Variants in LZTFL1 observed in about 807,000 individuals in gnomAD.
The protein encoded by LZTFL1 is leucine zipper transcription factor-like protein 1.
In LZTFL1, 25 loss-of-function variants were observed where a neutral mutation model predicts 45.9. The ratio of observed to expected loss-of-function variants is 0.54; its 90% CI spans 0.40 to 0.76. The LOEUF (loss-of-function observed/expected upper bound fraction) is 0.76, where lower values mean the gene tolerates loss of function less well. LZTFL1 is among the 30% of genes least tolerant of loss of function. LZTFL1 has a pLI of 0.00. For synonymous variants in LZTFL1, 93 were observed against 117.4 expected (o/e 0.79, Z 1.35); for missense variants, 277 against 331.1 (o/e 0.84, Z 1.27).
rs1230049716 is a variant in LZTFL1 at position 45,901,226 on chromosome 3, T to C, written c.-215+11894A>G. On this transcript the variant is annotated intron_variant, in intron 2 of 4. Transcript: ENST00000472635. The surrounding 1 kb of genome is among the most constrained non-coding windows in gnomAD (Gnocchi z 4.3). ...TGTGCATCAGCGTGGACAGGTACATTGCCATTGCCCAGGCCATGAGAGCAC... is the reference window on the plus strand; with the variant it reads ...TGTGCATCAGCGTGGACAGGTACATCGCCATTGCCCAGGCCATGAGAGCAC... 2 of 1,614,166 alleles carry C rather than the reference T, an allele frequency of 1.2e-6. No individual in the cohort carries two copies. The highest frequency in any genetic ancestry group is 1.7e-6 in the Non-Finnish European group (2 of 1,180,012).
chr3:45,845,541 G>A (rs1701205197), upstream of LZTFL1, among the ~76,000 whole-genome samples: 1 of 152,162 alleles, frequency 6.6e-6, no homozygotes, highest in African/African-American at 2.4e-5. Context: ...AGGTGCTGCA[G>A]TAGAAGTGTC....
intron 3 of LZTFL1, among the ~76,000 whole-genome samples, chr3:45,858,437 G>A (rs992061994): frequency 3.3e-5 from 5 of 152,212 alleles, no homozygotes; most frequent in Admixed American, 1.3e-4. Flanking sequence ...AACAGTCAAA[G>A]TGACAGGTAC....
At chr3:45,910,561 ACT>A (rs1186983609) in intron 2 of LZTFL1, among the ~76,000 whole-genome samples, 1 of 152,222 alleles carries the variant, frequency 6.6e-6, no homozygotes, top group African/African-American at 2.4e-5. Context: ...AACAAGGCAG[ACT>A]GTGATTGGCT....
At chr3:45,826,368 C>G in intron 9 of LZTFL1, 36 bp from the exon 10 acceptor site, 1 of 1,569,946 alleles carries the variant, frequency 6.4e-7, no homozygotes, top group Non-Finnish European at 8.7e-7. Flanking sequence ...TGTCAGGATA[C>G]CTTTTGTTGT....
chr3:45,845,064 G>A (rs191504581), upstream of LZTFL1, among the ~76,000 whole-genome samples: 1 of 152,254 alleles, frequency 6.6e-6, no homozygotes, highest in Admixed American at 6.5e-5. Context: ...ATTGGTTGTG[G>A]GGAATACCTT....
intron 2 of LZTFL1, among the ~76,000 whole-genome samples, chr3:45,909,323 G>A (rs1404398438): frequency 6.6e-6 from 1 of 152,092 alleles, no homozygotes. Context: ...CACAAAACTG[G>A]TCCCTGGTGT....
At chr3:45,906,874 T>G (rs1391103857) in intron 2 of LZTFL1, among the ~76,000 whole-genome samples, 2 of 152,060 alleles carry the variant, frequency 1.3e-5, no homozygotes, top group Admixed American at 1.3e-4. Context: ...CCTGCCCCAT[T>G]CCCCTGCCTC....
At chr3:45,897,640 T>G in intron 2 of LZTFL1, 1 of 1,527,668 alleles carries the variant, frequency 6.5e-7, no homozygotes, top group Non-Finnish European at 8.8e-7. Context: ...AGCCCAGGAC[T>G]AACACAGCTA....
intron 5 of LZTFL1, among the ~76,000 whole-genome samples, chr3:45,832,359 T>C (rs1246138207): frequency 6.6e-6 from 1 of 152,186 alleles, no homozygotes; most frequent in Non-Finnish European, 1.5e-5. Flanking sequence ...GAAAAATAGC[T>C]GAAATCTGAA....
rs201908838 is a variant in LZTFL1, at chr3:45,901,796, T to G, written c.-215+11324A>C. The G allele has an allele frequency of 2.5e-6, 4 of 1,614,106 alleles. No individual in the cohort carries two copies. The highest frequency in any genetic ancestry group is 2.5e-6 in the Non-Finnish European group (3 of 1,180,006). On this transcript the variant is annotated intron_variant, in intron 2 of 4. Coordinates refer to the LZTFL1 transcript ENST00000472635. This position sits in a 1 kb window ranked among gnomAD's most constrained non-coding sequence, Gnocchi z 4.3. ...TCGTGAAAACCCTGAAGAACTTGGG[T>G]TGCATCAGCCAGGCCCAGTGGGTTT...
At chr3:45,832,179 C>T (rs1488211889) in intron 5 of LZTFL1, among the ~76,000 whole-genome samples, 2 of 152,034 alleles carry the variant, frequency 1.3e-5, no homozygotes, top group African/African-American at 2.4e-5. Context: ...CTAGATCACG[C>T]CACCGCACTC....
intron 2 of LZTFL1, among the ~76,000 whole-genome samples, chr3:45,873,495 T>C (rs1161313494): frequency 2.0e-5 from 3 of 152,226 alleles, no homozygotes; most frequent in South Asian, 2.1e-4. Flanking sequence ...AACACTGCTA[T>C]AGTACAGTGA....
chr3:45,892,000 G>T lies in LZTFL1; in HGVS notation c.-215+21120C>A, dbSNP rs1273386373. On this transcript the variant is annotated intron_variant, in intron 2 of 4. Transcript: ENST00000472635. ...GGTATGGGGTTTGAAGACCAACTTA[G>T]CTGGTCTTCAAATCCAACACCATCA... Among the ~76,000 whole-genome samples, 8 of 152,212 alleles carry T rather than the reference G, an allele frequency of 5.3e-5. No homozygotes were observed. The East Asian group carries it at 7.7e-4, about 15-fold the overall frequency.
intron 2 of LZTFL1, among the ~76,000 whole-genome samples, chr3:45,910,557 G>A (rs1054856902): frequency 6.6e-6 from 1 of 152,184 alleles, no homozygotes; most frequent in African/African-American, 2.4e-5. Flanking sequence ...CATCAACAAG[G>A]CAGACTGTGA....
chr3:45,906,136 G>A (rs1383374372), intron 2 of LZTFL1, among the ~76,000 whole-genome samples: 2 of 152,178 alleles, frequency 1.3e-5, no homozygotes, highest in Non-Finnish European at 2.9e-5. Flanking sequence ...CCTAAGGCTG[G>A]ATGGGTAAGA....
intron 2 of LZTFL1, among the ~76,000 whole-genome samples, chr3:45,905,374 T>C (rs914451053): frequency 6.6e-6 from 1 of 152,246 alleles, no homozygotes; most frequent in African/African-American, 2.4e-5. Context: ...TAATGACCCA[T>C]TTAATGTCTT....
At chr3:45,885,049 C>G (rs993165163) in intron 2 of LZTFL1, among the ~76,000 whole-genome samples, 12 of 152,218 alleles carry the variant, frequency 7.9e-5, no homozygotes, top group Non-Finnish European at 1.3e-4. Flanking sequence ...TGTGCATGCC[C>G]TCTACCTTTC....
intron 4 of LZTFL1, among the ~76,000 whole-genome samples, chr3:45,847,253 A>G (rs1244803875): frequency 6.6e-6 from 1 of 152,160 alleles, no homozygotes; most frequent in Non-Finnish European, 1.5e-5. Context: ...ATCCAGACAC[A>G]GTTTTCTCCA....
At chr3:45,852,290 C>T (rs1701320993) in intron 4 of LZTFL1, among the ~76,000 whole-genome samples, 1 of 152,176 alleles carries the variant, frequency 6.6e-6, no homozygotes, top group Admixed American at 6.5e-5. Context: ...TGAAAAGGTA[C>T]ACACCCTTTA....
Sources: gnomAD v4.1 joint callset for allele counts (sites outside exome capture counted in the v4.1 genomes callset) on GRCh38, gnomAD v4.1.1 for gene constraint, Gnocchi (gnomAD v3.1) non-coding constraint, MANE v1.5 for transcripts, NCBI Gene and HGNC (gene_info 2026-07-23, HGNC 2026-07-21) for gene names.